Variants in REPS2 observed in about 807,000 individuals in gnomAD.
REPS2 encodes the protein RALBP1 associated Eps domain containing 2.
In REPS2, 23 loss-of-function variants were observed where a neutral mutation model predicts 53.6. That is an observed-to-expected ratio of 0.43 (90% confidence interval 0.31 to 0.61). The LOEUF (loss-of-function observed/expected upper bound fraction) is 0.61. Ranked by LOEUF, REPS2 falls within the 20% of genes least tolerant of loss-of-function variation. The pLI, the probability that REPS2 is intolerant of heterozygous loss-of-function variation, is 0.11. For missense variants in REPS2, 446 were observed against 534.9 expected (o/e 0.83, Z 1.64); for synonymous variants, 238 against 218.6 (o/e 1.09, Z -0.78).
At chrX:17,012,651 T>A (rs1372707133) in intron 2 of REPS2, among the ~76,000 whole-genome samples, 1 of 110,984 alleles carries the variant, frequency 9.0e-6, no homozygotes, top group Non-Finnish European at 1.9e-5. Flanking sequence ...CATGTAGTCT[T>A]TGGGGCTGTG....
At chrX:17,025,949 G>C (rs924236036) in intron 4 of REPS2, among the ~76,000 whole-genome samples, 1 of 111,524 alleles carries the variant, frequency 9.0e-6, no homozygotes, top group Non-Finnish European at 1.9e-5. Context: ...CCCCAGTTTT[G>C]TTTTGTGGGC....
chrX:17,173,164 A>G, the REPS2 span, among the ~76,000 whole-genome samples: 2 of 112,271 alleles, frequency 1.8e-5, no homozygotes, highest in African/African-American at 3.2e-5. Flanking sequence ...TACAGTTTCC[A>G]TGAATCAGGA....
chrX:17,029,149 T>C (rs947347495), intron 4 of REPS2, among the ~76,000 whole-genome samples: 3 of 111,878 alleles, frequency 2.7e-5, no homozygotes, highest in African/African-American at 9.7e-5. Context: ...AAGTGGATGA[T>C]CAATGGAAGA....
chrX:17,091,041 A>G (rs1412492059), intron 13 of REPS2, among the ~76,000 whole-genome samples: 2 of 111,999 alleles, frequency 1.8e-5, no homozygotes, highest in African/African-American at 3.2e-5. Context: ...GTTAAATATA[A>G]GGGCTTATTT....
intron 3 of REPS2, 47 bp downstream of exon 3, chrX:17,022,318 C>T (rs201013541): frequency 2.5e-4 from 280 of 1,118,349 alleles, no homozygotes; most frequent in African/African-American, 2.3e-3. Context: ...ACCATGAAAC[C>T]GCATGTAGCA....
the REPS2 span, among the ~76,000 whole-genome samples, chrX:17,170,019 C>T: frequency 4.4e-5 from 5 of 112,613 alleles, no homozygotes; most frequent in Admixed American, 4.7e-4. Flanking sequence ...CTGAGTCTCC[C>T]CTTGGAGGAG....
chrX:17,050,556 T>C (rs1602818365), intron 6 of REPS2, among the ~76,000 whole-genome samples: 1 of 111,528 alleles, frequency 9.0e-6, no homozygotes, highest in East Asian at 2.8e-4. Context: ...CTATACCATC[T>C]AGGTTTGTGT....
At chrX:16,953,686 T>C (rs1487704587) in intron 1 of REPS2, among the ~76,000 whole-genome samples, 1 of 112,179 alleles carries the variant, frequency 8.9e-6, no homozygotes, top group Non-Finnish European at 1.9e-5. Flanking sequence ...ACATGTAATT[T>C]CAGTTCATTT....
Position 16,946,960 on chromosome X carries a change from C to T in REPS2, c.99C>T (p.Gly33=). The T allele has an allele frequency of 2.3e-6, 2 of 885,118 alleles. No homozygotes were observed. Among genetic ancestry groups the T allele is most frequent in the Admixed American group, 6.1e-5 (1 of 16,528 alleles). 72.9% of individuals were successfully genotyped at this position (885,118 alleles called of 1,213,427 possible). ...SGPPPLLLSE[G]EQQCYSELFA... is the part of the protein sequence containing the mutation. The stretch of plus-strand genomic sequence containing the variant: ...CGCCGCCGCTGCTGCTGAGCGAGGG[C>T]GAGCAGCAGTGCTACTCCGAGCTCT... Residue 33 remains glycine (G), a synonymous_variant, in exon 1 of 18, where the codon GGC becomes GGT. Transcript: ENST00000357277.
chrX:17,024,931 A>G, intron 3 of REPS2, 128 bp from the exon 4 acceptor site: 1 of 948,017 alleles, frequency 1.1e-6, no homozygotes, highest in Non-Finnish European at 1.5e-6. Flanking sequence ...CATTTTTGAG[A>G]AAACATTTCC....
chrX:17,008,709 T>A (rs2061391181), intron 2 of REPS2, among the ~76,000 whole-genome samples: 1 of 111,932 alleles, frequency 8.9e-6, no homozygotes, highest in African/African-American at 3.2e-5. Flanking sequence ...TGAAATCTAT[T>A]AGCTTAATGC....
rs760466841 is a variant in REPS2, at chrX:17,063,366, C to A, written c.1209+834C>A. On this transcript the variant is annotated intron_variant, in intron 9 of 17. Coordinates refer to ENST00000357277, the MANE Select transcript of REPS2 (RefSeq NM_004726.3). The stretch of plus-strand genomic sequence containing the variant: ...GATGATAGAAGTCAAAGTCAGGGAA[C>A]AGGGACATTTCTTTAATTTCTTGTG... 1.4e-4 allele frequency among the ~76,000 whole-genome samples: 16 copies of A among 111,780 alleles called. 1 individual carries two copies. Among genetic ancestry groups the A allele is most frequent in the Admixed American group, 3.8e-4 (4 of 10,558 alleles).
chrX:16,962,276 T>TACGC, intron 1 of REPS2, among the ~76,000 whole-genome samples: 1 of 81,861 alleles, frequency 1.2e-5, no homozygotes, highest in South Asian at 7.5e-4. Context: ...TATCGTGGGA[T>TACGC]ACACACACAC....
chrX:16,974,959 A>G (rs1477655997), intron 1 of REPS2, among the ~76,000 whole-genome samples: 3 of 111,118 alleles, frequency 2.7e-5, no homozygotes, highest in African/African-American at 9.8e-5. Context: ...AAGTGAGAAC[A>G]TGCAGTATTT....
chrX:17,020,294 C>A (rs745754043), intron 2 of REPS2, among the ~76,000 whole-genome samples: 12 of 112,227 alleles, frequency 1.1e-4, no homozygotes, highest in Non-Finnish European at 2.3e-4. Context: ...GCATTTATTT[C>A]TTTTCTCCCT....
chrX:17,162,860 C>T, the REPS2 span, among the ~76,000 whole-genome samples: 2 of 112,166 alleles, frequency 1.8e-5, no homozygotes, highest in Non-Finnish European at 3.8e-5. Context: ...CAACACCAAA[C>T]AGCAACAACA....
chrX:17,066,872 CA>C (rs897067052), intron 9 of REPS2, among the ~76,000 whole-genome samples: 7 of 111,142 alleles, frequency 6.3e-5, no homozygotes, highest in African/African-American at 2.0e-4. Context: ...GACTCCATCT[CA>C]AAAAAAAGAA....
chrX:17,010,852 G>T (rs2061420218), intron 2 of REPS2, among the ~76,000 whole-genome samples: 1 of 111,295 alleles, frequency 9.0e-6, no homozygotes, highest in Admixed American at 9.6e-5. Flanking sequence ...TTTCAACCTT[G>T]TCGGCACTTG....
intron 13 of REPS2, among the ~76,000 whole-genome samples, chrX:17,082,542 T>C (rs1230097950): frequency 1.8e-5 from 2 of 112,421 alleles, no homozygotes; most frequent in Admixed American, 1.9e-4. Context: ...TGTCCATGGG[T>C]AGCTAATTTC....
Sources: allele counts gnomAD v4.1 joint callset (sites outside exome capture counted in the v4.1 genomes callset), GRCh38; gene constraint gnomAD v4.1.1; transcripts MANE v1.5; gene names NCBI Gene and HGNC (gene_info 2026-07-23, HGNC 2026-07-21).